PCDH15: variants seen among roughly 807,000 people sequenced by gnomAD.
The protein encoded by PCDH15 is protocadherin related 15, also known as protocadherin-15.
PCDH15 carries 129 observed loss-of-function variants against 178.5 expected under a neutral mutation model. That is an observed-to-expected ratio of 0.72 (90% CI 0.63 to 0.84). The LOEUF is 0.84. PCDH15 is among the 40% of genes least tolerant of loss of function. PCDH15 has a pLI of 0.00. For synonymous variants in PCDH15, 800 were observed against 732.0 expected (o/e 1.09, Z -1.50); for missense variants, 2,230 against 2,099.9 (o/e 1.06, Z -1.21).
At chr10:55,472,246 T>C (rs536761251) in intron 2 of PCDH15, among the ~76,000 whole-genome samples, 3 of 152,296 alleles carry the variant, frequency 2.0e-5, no homozygotes, top group Admixed American at 6.5e-5. Flanking sequence ...TCTATTAAAT[T>C]TGCTTATATC....
chr10:54,876,588 A>C (rs1327407910), intron 3 of PCDH15, among the ~76,000 whole-genome samples: 1 of 152,154 alleles, frequency 6.6e-6, no homozygotes, highest in African/African-American at 2.4e-5. Flanking sequence ...ACTTGATTCC[A>C]ACTTCATGAA....
At chr10:53,945,593 T>C (rs1156725232) in intron 23 of PCDH15, among the ~76,000 whole-genome samples, 1 of 151,930 alleles carries the variant, frequency 6.6e-6, no homozygotes, top group African/African-American at 2.4e-5. Flanking sequence ...TGTAACCATT[T>C]TTTTACGCTC....
chr10:55,164,008 T>C (rs2253679), intron 2 of PCDH15, among the ~76,000 whole-genome samples: 151,467 of 152,254 alleles, frequency 0.99, 75,350 homozygotes, highest in East Asian at 1. Context: ...GTCAAGAACC[T>C]TCTCTTGGGG....
Position 54,692,977 on chromosome 10 carries a change from C to T in PCDH15, c.-28-28687G>A, listed in dbSNP as rs142968039. 4.1e-3 allele frequency among the ~76,000 whole-genome samples: 617 copies of T among 152,048 alleles called. 3 individuals carry two copies. Among genetic ancestry groups the T allele is most frequent in the African/African-American group, 0.013 (558 of 41,476 alleles). On this transcript the variant is annotated intron_variant, in intron 1 of 37. Transcript: ENST00000644397. ...CGTGCAGGTTCGTTACATAGGTATA[C>T]GTGTGCCATGGTGGATTGCTGCACC...
chr10:55,024,969 C>A (rs1254787724), intron 2 of PCDH15, among the ~76,000 whole-genome samples: 1 of 152,222 alleles, frequency 6.6e-6, no homozygotes, highest in Admixed American at 6.5e-5. Context: ...TTTTAAACAT[C>A]TCCTTGACAG....
chr10:54,892,163 A>G (rs1032276519), intron 3 of PCDH15, among the ~76,000 whole-genome samples: 7 of 152,122 alleles, frequency 4.6e-5, no homozygotes, highest in Admixed American at 2.6e-4. Context: ...TTCATTCAAA[A>G]GAGACCAAAT....
Position 55,334,616 on chromosome 10 carries a change from A to G in PCDH15, c.-155-167965T>C, listed in dbSNP as rs180911856. On this transcript the variant is annotated intron_variant, in intron 2 of 5. Coordinates refer to the PCDH15 transcript ENST00000613346. ...GCCATGGTGCCCGGCTGGGTGCTCC[A>G]TATTTTTATTTTTTTCTATCTGTAT... Among the ~76,000 whole-genome samples the G allele has an allele frequency of 3.4e-3, 510 of 151,898 alleles. 10 individuals carry two copies. The highest frequency in any genetic ancestry group is 0.024 in the Admixed American group (372 of 15,230).
intron 2 of PCDH15, among the ~76,000 whole-genome samples, chr10:55,073,644 A>T (rs1302776113): frequency 6.6e-6 from 1 of 152,136 alleles, no homozygotes; most frequent in Non-Finnish European, 1.5e-5. Flanking sequence ...TTGATATCAG[A>T]GTAATTCCAG....
chr10:55,622,412 C>A (rs1183343390), intron 2 of PCDH15, among the ~76,000 whole-genome samples: 1 of 151,634 alleles, frequency 6.6e-6, no homozygotes, highest in Non-Finnish European at 1.5e-5. Flanking sequence ...GGAGACCTAA[C>A]TGAGGCATTC....
At chr10:54,154,438 ATAG>A (rs1392743395) in intron 13 of PCDH15, among the ~76,000 whole-genome samples, 1 of 152,148 alleles carries the variant, frequency 6.6e-6, no homozygotes, top group Admixed American at 6.6e-5. Context: ...ACTTCTAAAA[ATAG>A]TAGTTTTTAT....
chr10:54,460,391 C>T (rs867285452), intron 3 of PCDH15, among the ~76,000 whole-genome samples: 1 of 151,946 alleles, frequency 6.6e-6, no homozygotes, highest in African/African-American at 2.4e-5. Context: ...CATGGAAGTA[C>T]TTTTCTGAAA....
chr10:55,511,699 C>G (rs1840888796), intron 2 of PCDH15, among the ~76,000 whole-genome samples: 1 of 151,996 alleles, frequency 6.6e-6, no homozygotes, highest in Non-Finnish European at 1.5e-5. Flanking sequence ...TCTAATAAAG[C>G]AATCTCTTTT....
intron 18 of PCDH15, among the ~76,000 whole-genome samples, chr10:54,032,315 C>T (rs1205253735): frequency 3.3e-5 from 5 of 151,922 alleles, no homozygotes; most frequent in Non-Finnish European, 7.4e-5. Flanking sequence ...TTGTATGTTT[C>T]TTTACCACAT....
chr10:55,121,048 C>T lies in PCDH15; in HGVS notation c.-80+45528G>A, dbSNP rs117199273. 8.0e-3 allele frequency among the ~76,000 whole-genome samples: 1,213 copies of T among 152,254 alleles called. 12 individuals are homozygous for T. The highest frequency in any genetic ancestry group is 0.01 in the Non-Finnish European group (708 of 68,028). Reference sequence around the variant, plus strand: ...CTGTAGAACTACAAGACTGCAACAGCAGCCTGGGAGAGCTGCAGGCACTCA... The same window carrying T: ...CTGTAGAACTACAAGACTGCAACAGTAGCCTGGGAGAGCTGCAGGCACTCA... On this transcript the variant is annotated intron_variant, in intron 2 of 5. Transcript: ENST00000458638.
At chr10:54,078,847 G>T (rs998740761) in intron 17 of PCDH15, among the ~76,000 whole-genome samples, 2 of 151,648 alleles carry the variant, frequency 1.3e-5, no homozygotes, top group South Asian at 2.1e-4. Context: ...AGATAACCAA[G>T]AATTACTTAT....
chr10:54,506,742 A>G lies in PCDH15; in HGVS notation c.157+21070T>C, dbSNP rs565262604. On this transcript the variant is annotated intron_variant, in intron 3 of 37. Coordinates refer to ENST00000644397, the MANE Select transcript of PCDH15 (RefSeq NM_001384140.1). Reference sequence around the variant, plus strand: ...CAGTAAGGTGAATGTAAGAAAGCCAATTATTAACTCATTAGTATTCCGCAG... The same window carrying G: ...CAGTAAGGTGAATGTAAGAAAGCCAGTTATTAACTCATTAGTATTCCGCAG... Among the ~76,000 whole-genome samples the G allele has an allele frequency of 6.6e-5, 10 of 152,204 alleles. 1 individual carries two copies. The East Asian group carries it at 1.7e-3, about 26-fold the overall frequency.
At chr10:54,309,300 C>G (rs939832907) in intron 8 of PCDH15, among the ~76,000 whole-genome samples, 1 of 142,024 alleles carries the variant, frequency 7.0e-6, no homozygotes, top group South Asian at 2.3e-4. Context: ...TTTATACACA[C>G]AAACATATAT....
chr10:54,414,480 G>T (rs959754233), intron 3 of PCDH15, among the ~76,000 whole-genome samples: 1 of 152,066 alleles, frequency 6.6e-6, no homozygotes, highest in East Asian at 1.9e-4. Flanking sequence ...CTACAGAACA[G>T]AAGTAGGTAT....
chr10:54,312,241 T>C (rs936222149), intron 8 of PCDH15, among the ~76,000 whole-genome samples: 6 of 152,080 alleles, frequency 3.9e-5, no homozygotes, highest in Non-Finnish European at 8.8e-5. Context: ...ATAAACACAG[T>C]AATTTGAATG....
Sources: gnomAD v4.1 joint callset for allele counts (sites outside exome capture counted in the v4.1 genomes callset) on GRCh38, gnomAD v4.1.1 for gene constraint, MANE v1.5 for transcripts, NCBI Gene and HGNC (gene_info 2026-07-23, HGNC 2026-07-21) for gene names.